SLC3A1: variants seen among roughly 807,000 people sequenced by gnomAD.
The protein encoded by SLC3A1 is solute carrier family 3 member 1, also known as amino acid transporter heavy chain SLC3A1.
Under a neutral mutation model 60.3 loss-of-function variants are expected in SLC3A1, and 78 were observed. The observed-to-expected ratio is 1.29, with a 90% CI of 1.08 to 1.56. The LOEUF is 1.56. Ranked by LOEUF, SLC3A1 falls within the 40% of genes most tolerant of loss-of-function variation. The pLI is 0.00. For synonymous variants in SLC3A1, 392 were observed against 307.9 expected (o/e 1.27, Z -2.86); for missense variants, 1,172 against 858.9 (o/e 1.36, Z -4.56).
chr2:44,287,465 A>ATTGCT (rs1163689772), intron 4 of SLC3A1, among the ~76,000 whole-genome samples: 1 of 152,198 alleles, frequency 6.6e-6, no homozygotes, highest in Non-Finnish European at 1.5e-5. Context: ...CAAACTTAGC[A>ATTGCT]AAGAAAAATA....
chr2:44,296,120 C>T (rs759058349), intron 4 of SLC3A1, among the ~76,000 whole-genome samples: 15 of 152,166 alleles, frequency 9.9e-5, no homozygotes, highest in Non-Finnish European at 2.1e-4. Flanking sequence ...AAATGAGGTG[C>T]CTTTCTTTGC....
intron 4 of SLC3A1, among the ~76,000 whole-genome samples, chr2:44,286,619 G>A (rs779262648): frequency 1.7e-4 from 24 of 137,914 alleles, no homozygotes; most frequent in African/African-American, 4.3e-4. Flanking sequence ...TGAGCTGTGC[G>A]GTGTCTGTGA....
At chr2:44,314,123 A>AC in intron 9 of SLC3A1, 172 bp downstream of exon 9, 2 of 1,473,592 alleles carry the variant, frequency 1.4e-6, no homozygotes, top group Non-Finnish European at 1.8e-6. Context: ...TGCCTTTGTG[A>AC]AAATACAAAC....
At chr2:44,301,279 CCATAT>C (rs1672000045) in intron 6 of SLC3A1, 152 bp downstream of exon 6, 1 of 961,680 alleles carries the variant, frequency 1.0e-6, no homozygotes, top group Admixed American at 2.0e-5. Flanking sequence ...CCAGGGCCTG[CCATAT>C]TCCTTTCCTG....
chr2:44,318,060 C>T, intron 9 of SLC3A1: 2 of 431,026 alleles, frequency 4.6e-6, no homozygotes, highest in South Asian at 1.6e-5. Context: ...AATATTTGCA[C>T]ATGTGCACAA....
At chr2:44,303,826 C>T (rs112533309) in intron 6 of SLC3A1, 42,946 of 507,030 alleles carry the variant, frequency 0.085, 2,203 homozygotes, top group Non-Finnish European at 0.1. Flanking sequence ...TGAGAACATG[C>T]GGTGTTTGGT....
At position 44,320,635 on chromosome 2, in the gene SLC3A1, G is replaced by T; in HGVS notation, c.2054G>T (p.Cys685Phe). Reference protein sequence around the residue: ...SSVLNILYTSC With the variant: ...SSVLNILYTSF ...GTACTGAACATACTGTATACCTCGTGTTAGGCACCTTTATGAAGAGATGAA... is the reference window on the plus strand; with the variant it reads ...GTACTGAACATACTGTATACCTCGTTTTAGGCACCTTTATGAAGAGATGAA... Residue 685 changes from cysteine to phenylalanine, a missense_variant, in exon 10 of 10, where the codon TGT (cysteine) becomes TTT (phenylalanine). Physicochemically the swap from Cys to Phe is radical, Grantham distance 205. Coordinates refer to ENST00000260649, the MANE Select transcript of SLC3A1 (RefSeq NM_000341.4). 1 of 1,613,060 alleles carries T rather than the reference G, an allele frequency of 6.2e-7. No homozygotes were observed. Among genetic ancestry groups the T allele is most frequent in the Non-Finnish European group, 8.5e-7 (1 of 1,179,146 alleles).
intron 9 of SLC3A1, chr2:44,318,042 T>C: frequency 2.4e-6 from 1 of 420,356 alleles, no homozygotes; most frequent in Non-Finnish European, 4.7e-6. Flanking sequence ...CCATTCCTAA[T>C]ACTTAGAAAT....
chr2:44,286,853 T>C (rs1671628186), intron 4 of SLC3A1, among the ~76,000 whole-genome samples: 1 of 151,794 alleles, frequency 6.6e-6, no homozygotes, highest in Non-Finnish European at 1.5e-5. Context: ...AGCTGTGCGG[T>C]GTCTGTGACA....
At chr2:44,305,090 C>T (rs2104371710) in intron 7 of SLC3A1, among the ~76,000 whole-genome samples, 1 of 152,220 alleles carries the variant, frequency 6.6e-6, no homozygotes, top group South Asian at 2.1e-4. Context: ...CCACCTTGGT[C>T]TCCCAAAGTG....
chr2:44,285,627 C>T (rs1159308000), intron 3 of SLC3A1: 23 of 474,440 alleles, frequency 4.8e-5, no homozygotes, highest in Admixed American at 4.5e-4. Flanking sequence ...TCTATCTGGG[C>T]TCAAGCTCCA....
intron 3 of SLC3A1, among the ~76,000 whole-genome samples, chr2:44,284,747 G>T (rs1671577006): frequency 6.6e-6 from 1 of 151,742 alleles, no homozygotes; most frequent in Non-Finnish European, 1.5e-5. Flanking sequence ...TTATTTTTTT[G>T]TAAATATGGG....
Position 44,320,608 on chromosome 2 carries a change from G to C in SLC3A1, c.2027G>C (p.Ser676Thr), listed in dbSNP as rs750128585. The change falls in exon 10 of 10, where the codon AGT becomes ACT. Residue 676 changes from serine (S) to threonine (T), a missense_variant. Transcript: ENST00000260649. ...GTTTCCAATCGAGCATGCTATTCCA[G>C]TGTACTGAACATACTGTATACCTCG... ...CFVSNRACYS[S>T]VLNILYTSC The C allele has an allele frequency of 3.1e-6, 5 of 1,613,830 alleles. No homozygotes were observed. Among genetic ancestry groups the C allele is most frequent in the Non-Finnish European group, 4.2e-6 (5 of 1,179,918 alleles).
chr2:44,298,925 C>T (rs1463966390), intron 4 of SLC3A1, among the ~76,000 whole-genome samples: 2 of 151,720 alleles, frequency 1.3e-5, no homozygotes, highest in Non-Finnish European at 2.9e-5. Flanking sequence ...AAGTCTGTCA[C>T]CAAAGAATAA....
rs1572790723 is a variant in SLC3A1 at position 44,281,538 on chromosome 2, C to T, written c.762C>T (p.Asn254=). The change falls in exon 3 of 10, where the codon AAC becomes AAT. Residue 254 remains asparagine (N), a synonymous_variant. Coordinates refer to ENST00000260649, the MANE Select transcript of SLC3A1 (RefSeq NM_000341.4). Reference sequence around the variant, plus strand: ...ATGGCAAAACCATTCCACCCAACAACTGGGTAAGTATCAACCTGTCTGACT... The same window carrying T: ...ATGGCAAAACCATTCCACCCAACAATTGGGTAAGTATCAACCTGTCTGACT... The part of the protein sequence containing the change: ...HENGKTIPPN[N]WLSVYGNSSW... 2 of 1,613,752 alleles carry T rather than the reference C, an allele frequency of 1.2e-6. No homozygotes were observed. The highest frequency in any genetic ancestry group is 1.7e-5 in the Admixed American group (1 of 59,982).
In SLC3A1 at chr2:44,321,466, A is replaced by T; in HGVS notation, c.*827A>T. On this transcript the variant is annotated 3_prime_UTR_variant, in exon 10 of 10. Coordinates refer to ENST00000260649, the MANE Select transcript of SLC3A1 (RefSeq NM_000341.4). ...GTAATCTAAAAGAAACACATTAAAAAAATTAAATAGAAGGCCTTTGTAGTA... is the reference window on the plus strand; with the variant it reads ...GTAATCTAAAAGAAACACATTAAAATAATTAAATAGAAGGCCTTTGTAGTA... 6.2e-7 allele frequency: 1 copy of T among 1,605,688 alleles called. No homozygotes were observed. The highest frequency in any genetic ancestry group is 8.5e-7 in the Non-Finnish European group (1 of 1,173,638).
intron 7 of SLC3A1, among the ~76,000 whole-genome samples, chr2:44,306,037 C>T (rs1204781856): frequency 6.6e-6 from 1 of 152,222 alleles, no homozygotes; most frequent in Non-Finnish European, 1.5e-5. Flanking sequence ...TTGCACGGTG[C>T]CCACCTCACA....
Position 44,312,734 on chromosome 2 carries a change from T to C in SLC3A1, c.1481T>C (p.Leu494Pro). 1 of 1,613,254 alleles carries C rather than the reference T, an allele frequency of 6.2e-7. No individual in the cohort carries two copies. The highest frequency in any genetic ancestry group is 8.5e-7 in the Non-Finnish European group (1 of 1,179,330). The change falls in exon 8 of 10, where the codon CTC (leucine) becomes CCC (proline). Residue 494 changes from leucine (L) to proline (P), a missense_variant. Transcript: ENST00000260649. ...IGMGNIVAAN[L>P]NESYDINTLR... ...ATGGGAAATATTGTAGCCGCAAATC[T>C]CAATGAAAGCTATGATATTGTAAGT...
chr2:44,315,466 T>A (rs186392474), intron 9 of SLC3A1, among the ~76,000 whole-genome samples: 3 of 145,926 alleles, frequency 2.1e-5, no homozygotes, highest in Admixed American at 6.9e-5. Flanking sequence ...CTAGGCAATA[T>A]AGTGAGACCT....
Sources: allele counts gnomAD v4.1 joint callset (sites outside exome capture counted in the v4.1 genomes callset), GRCh38; gene constraint gnomAD v4.1.1; transcripts MANE v1.5; gene names NCBI Gene and HGNC (gene_info 2026-07-23, HGNC 2026-07-21).